ANK1: variants seen among roughly 807,000 people sequenced by gnomAD.
ANK1 encodes the protein ankyrin-1.
Under a neutral mutation model 210.4 loss-of-function variants are expected in ANK1, and 51 were observed. The ratio of observed to expected loss-of-function variants is 0.24; its 90% CI spans 0.19 to 0.31. The LOEUF (loss-of-function observed/expected upper bound fraction) is 0.31, where lower values mean the gene tolerates loss of function less well. ANK1 is among the 10% of genes least tolerant of loss of function. The probability of loss-of-function intolerance (pLI) is 1.00; values close to 1 mark genes in which losing one functional copy is unlikely to be tolerated. For missense variants in ANK1, 2,051 were observed against 2,504.4 expected, an observed-to-expected ratio of 0.82 and a Z score of 3.86; for synonymous variants, 967 against 1,025.9, an observed-to-expected ratio of 0.94 and a Z score of 1.10.
At chr8:41,855,206 C>A (rs1418691126) in intron 1 of ANK1, among the ~76,000 whole-genome samples, 1 of 152,244 alleles carries the variant, frequency 6.6e-6, no homozygotes, top group African/African-American at 2.4e-5. Flanking sequence ...GGTACAGGAA[C>A]AATTGAATAA....
rs985547289 is a variant in ANK1, at chr8:41,653,710, G to C, written c.*2080C>G. On this transcript the variant is annotated 3_prime_UTR_variant, in exon 43 of 43. Transcript: ENST00000289734. ...GCGGCCCCCCTGCCGTGGCCCCCGG[G>C]ATGGGGGAGGATGGAGGGGGGCGCC... is the stretch of plus-strand genomic sequence containing the variant. The C allele has an allele frequency of 3.9e-5, 6 of 152,436 alleles. No homozygotes were observed. Among genetic ancestry groups the C allele is most frequent in the African/African-American group, 1.4e-4 (6 of 41,600 alleles). 9.4% of individuals were successfully genotyped at this position (152,436 alleles called of 1,614,324 possible).
intron 1 of ANK1, among the ~76,000 whole-genome samples, chr8:41,882,254 C>T (rs1413886990): frequency 1.3e-5 from 2 of 152,122 alleles, no homozygotes; most frequent in Admixed American, 6.5e-5. Flanking sequence ...TGTAACACCA[C>T]GGGACACCAT....
At chr8:41,842,690 G>A (rs1473375986) in intron 1 of ANK1, among the ~76,000 whole-genome samples, 2 of 152,152 alleles carry the variant, frequency 1.3e-5, no homozygotes, top group African/African-American at 4.8e-5. Context: ...GGGCCTCCCG[G>A]GGAATTAAAC....
chr8:41,774,139 G>A (rs939779908), intron 1 of ANK1, among the ~76,000 whole-genome samples: 1 of 152,074 alleles, frequency 6.6e-6, no homozygotes, highest in East Asian at 1.9e-4. Flanking sequence ...AGTAGGAGAC[G>A]AGGTCTCTTC....
intron 2 of ANK1, among the ~76,000 whole-genome samples, chr8:41,749,625 T>C (rs1391526171): frequency 6.8e-6 from 1 of 147,254 alleles, no homozygotes; most frequent in East Asian, 2.0e-4. Context: ...TTCTTTTTTT[T>C]TTTTGAGAAG....
At chr8:41,670,666 A>G (rs1811977500) in intron 38 of ANK1, among the ~76,000 whole-genome samples, 1 of 152,168 alleles carries the variant, frequency 6.6e-6, no homozygotes, top group Non-Finnish European at 1.5e-5. Flanking sequence ...GCCAGGCTGC[A>G]TGGATCCTGT....
chr8:41,771,512 G>A (rs1351469077), intron 1 of ANK1, among the ~76,000 whole-genome samples: 2 of 152,208 alleles, frequency 1.3e-5, no homozygotes, highest in Non-Finnish European at 2.9e-5. Flanking sequence ...GAACTTGCTA[G>A]TGAGATCAAA....
chr8:41,785,460 C>T (rs1417240536), intron 1 of ANK1, among the ~76,000 whole-genome samples: 1 of 152,230 alleles, frequency 6.6e-6, no homozygotes, highest in African/African-American at 2.4e-5. Context: ...CTGCCCTAGT[C>T]CGCAGCTGTC....
chr8:41,827,668 A>G (rs1486967203), intron 1 of ANK1, among the ~76,000 whole-genome samples: 6 of 151,538 alleles, frequency 4.0e-5, no homozygotes, highest in Non-Finnish European at 7.4e-5. Flanking sequence ...CCATCTCCAC[A>G]CACATCCCCT....
chr8:41,708,622 A>G (rs899712744), intron 17 of ANK1, among the ~76,000 whole-genome samples, 156 bp downstream of exon 17: 2 of 152,196 alleles, frequency 1.3e-5, no homozygotes, highest in Non-Finnish European at 2.9e-5. Flanking sequence ...CTGTTTATTC[A>G]TTTATAAAAT....
intron 1 of ANK1, among the ~76,000 whole-genome samples, chr8:41,812,317 T>G (rs977303829): frequency 6.6e-6 from 1 of 152,130 alleles, no homozygotes; most frequent in Non-Finnish European, 1.5e-5. Flanking sequence ...TAATTATATA[T>G]ATGGGAGTCC....
intron 3 of ANK1, among the ~76,000 whole-genome samples, chr8:41,728,735 A>G (rs1485017614): frequency 6.6e-6 from 1 of 152,210 alleles, no homozygotes; most frequent in Non-Finnish European, 1.5e-5. Context: ...TTTTTATAAA[A>G]GAAAAATAAT....
intron 39 of ANK1, chr8:41,665,628 G>A: frequency 3.7e-6 from 1 of 270,906 alleles, no homozygotes; most frequent in Non-Finnish European, 7.3e-6. Context: ...GCATGGTAGG[G>A]ATGAGACCAG....
chr8:41,732,393 G>A (rs1181425509), intron 3 of ANK1, among the ~76,000 whole-genome samples: 1 of 152,154 alleles, frequency 6.6e-6, no homozygotes, highest in East Asian at 1.9e-4. Context: ...GTTAGCAAAT[G>A]GAGATGATTT....
At chr8:41,740,713 A>C (rs1834574384) in intron 2 of ANK1, among the ~76,000 whole-genome samples, 1 of 152,154 alleles carries the variant, frequency 6.6e-6, no homozygotes, top group Non-Finnish European at 1.5e-5. Context: ...GTCTACTTCA[A>C]ATTAAGGTTC....
chr8:41,710,677 A>G (rs1825880569), intron 16 of ANK1, among the ~76,000 whole-genome samples: 1 of 152,234 alleles, frequency 6.6e-6, no homozygotes, highest in African/African-American at 2.4e-5. Context: ...TGGCTGCCCA[A>G]CGTGGGATCT....
At chr8:41,760,359 AC>A (rs1007017790) in intron 1 of ANK1, among the ~76,000 whole-genome samples, 1 of 150,522 alleles carries the variant, frequency 6.6e-6, no homozygotes, top group Non-Finnish European at 1.5e-5. Flanking sequence ...AAAAGAAGAG[AC>A]CCCCCTGCAC....
chr8:41,670,220 T>A (rs534265657), intron 38 of ANK1, among the ~76,000 whole-genome samples: 5 of 152,236 alleles, frequency 3.3e-5, no homozygotes, highest in African/African-American at 1.2e-4. Context: ...AGAGACTTTT[T>A]TCTGTTTCAT....
chr8:41,896,621 G>A (rs1820572661), exon 1 of ANK1: 2 of 1,189,010 alleles, frequency 1.7e-6, no homozygotes, highest in Non-Finnish European at 2.2e-6. Flanking sequence ...GCCGGCTGCT[G>A]CGGGGTCGCG....
Sources: allele counts gnomAD v4.1 joint callset (sites outside exome capture counted in the v4.1 genomes callset), GRCh38; gene constraint gnomAD v4.1.1; transcripts MANE v1.5; gene names NCBI Gene and HGNC (gene_info 2026-07-23, HGNC 2026-07-21).